The following SYT8 variants were observed in gnomAD, a reference collection of about 807,000 sequenced individuals.
The protein encoded by SYT8 is synaptotagmin-8.
SYT8 carries 50 observed loss-of-function variants against 34.9 expected under a neutral mutation model. The ratio of observed to expected loss-of-function variants is 1.43; its 90% CI spans 1.14 to 1.81. The LOEUF is 1.81. Among genes scored for constraint, SYT8 ranks in the 40% most tolerant of loss-of-function variants. The probability of loss-of-function intolerance (pLI) is 0.00; values close to 1 mark genes in which losing one functional copy is unlikely to be tolerated. For synonymous variants in SYT8, 255 were observed against 234.2 expected (o/e 1.09, Z -0.81); for missense variants, 595 against 529.0 (o/e 1.12, Z -1.22).
At position 1,836,811 on chromosome 11, in the gene SYT8, G is replaced by A. The variant is rs149838879; in HGVS notation, c.740G>A (p.Arg247Gln). The A allele has an allele frequency of 2.5e-3, 3,988 of 1,611,330 alleles. 12 individuals carry two copies. The highest frequency in any genetic ancestry group is 3.0e-3 in the Non-Finnish European group (3,521 of 1,179,970). The change falls in exon 6 of 8, where the codon CGG becomes CAG. Residue 247 changes from arginine to glutamine, a missense_variant. Coordinates refer to ENST00000341958, the MANE Select transcript of SYT8 (RefSeq NM_001394072.1). The stretch of plus-strand genomic sequence containing the variant: ...CTCCGGTACGTGCCCAGCTCAGGCC[G>A]GCTGACCGTGGTGGTGCTGGAGGCT... ...FSLRYVPSSG[R>Q]LTVVVLEARG...
Position 1,835,974 on chromosome 11 carries a change from G to A in SYT8, c.347G>A (p.Gly116Glu). The change falls in exon 3 of 8, where the codon GGA (glycine) becomes GAA (glutamate). Residue 116 changes from glycine (G) to glutamate (E), a missense_variant. Coordinates refer to ENST00000341958, the MANE Select transcript of SYT8 (RefSeq NM_001394072.1). ...CAGCTCTCCCTGGAGTTCGACTTTG[G>A]AAGCCAGGAGGTGAAGGGCCCCGCT... ...CLQLSLEFDFGSQEIRVGLRQ... is the reference protein window; with the variant it reads ...CLQLSLEFDFESQEIRVGLRQ... The A allele has an allele frequency of 1.2e-6, 2 of 1,605,360 alleles. No homozygotes were observed. The highest frequency in any genetic ancestry group is 1.7e-6 in the Non-Finnish European group (2 of 1,177,510).
upstream of SYT8, chr11:1,834,439 C>A: frequency 1.2e-6 from 1 of 829,626 alleles, no homozygotes; most frequent in Non-Finnish European, 2.0e-6. This position sits in a 1 kb window ranked among gnomAD's most constrained non-coding sequence, Gnocchi z 4.5. Flanking sequence ...GCGCTGCGGC[C>A]CTGAGCCCCT....
rs1053303555 is a variant in SYT8, at chr11:1,837,335, T to G, written c.1068T>G (p.Ile356Met). Residue 356 changes from isoleucine to methionine, a missense_variant, in exon 8 of 8, where the codon ATT becomes ATG. By Grantham distance (10) the Ile-to-Met change is conservative (BLOSUM62 1). Coordinates refer to ENST00000341958, the MANE Select transcript of SYT8 (RefSeq NM_001394072.1). The part of the protein sequence containing the change: ...ADMLAHARRP[I>M]AQRHPLRPAR... ...TGCTGGCCCACGCCCGGCGGCCCAT[T>G]GCCCAGCGGCACCCCCTGCGGCCAG... 8.8e-6 allele frequency: 14 copies of G among 1,592,934 alleles called. No individual in the cohort carries two copies. In the African/African-American group the frequency reaches 1.7e-4, roughly 20 times the overall value.
upstream of SYT8, among the ~76,000 whole-genome samples, chr11:1,833,324 C>T (rs928361599): frequency 2.0e-5 from 3 of 152,310 alleles, no homozygotes; most frequent in African/African-American, 4.8e-5. Context: ...AAGGGTCCCC[C>T]GAACTCGACA....
chr11:1,835,637 C>T, intron 2 of SYT8, 178 bp downstream of exon 2: 1 of 812,746 alleles, frequency 1.2e-6, no homozygotes. Flanking sequence ...GGCCATGCAA[C>T]AGGGGCTGCC....
At chr11:1,832,534 C>G (rs1846703953), upstream of SYT8, among the ~76,000 whole-genome samples, 1 of 152,166 alleles carries the variant, frequency 6.6e-6, no homozygotes, top group South Asian at 2.1e-4. Flanking sequence ...GGAGGGGAGA[C>G]CCGAGAGCCC....
At chr11:1,835,694 G>T (rs1489922582) in intron 2 of SYT8, 192 bp from the exon 3 acceptor site, 2 of 739,392 alleles carry the variant, frequency 2.7e-6, no homozygotes, top group Non-Finnish European at 4.5e-6. Flanking sequence ...AAGGCAGGGG[G>T]TACCCCAGAT....
chr11:1,833,330 C>T (rs143320183), upstream of SYT8, among the ~76,000 whole-genome samples: 5 of 152,334 alleles, frequency 3.3e-5, no homozygotes, highest in African/African-American at 1.2e-4. Flanking sequence ...CCCCCGAACT[C>T]GACAAGCTCC....
chr11:1,835,554 G>A, intron 2 of SYT8, 95 bp downstream of exon 2: 2 of 1,441,632 alleles, frequency 1.4e-6, no homozygotes, highest in South Asian at 1.2e-5. Flanking sequence ...CCCAGGGATG[G>A]TTTAACCCCC....
In SYT8 at chr11:1,835,906, C is replaced by A; in HGVS notation, c.279C>A (p.Gly93=). The change falls in exon 3 of 8, where the codon GGC becomes GGA. Residue 93 remains glycine (G), a synonymous_variant. Coordinates refer to ENST00000341958, the MANE Select transcript of SYT8 (RefSeq NM_001394072.1). The stretch of plus-strand genomic sequence containing the variant: ...TCCAGGTGCAACCTGATGTGGATGG[C>A]CTGGAGTCCAGCCCGGGGGATGCTC... ...TTHLVQPDVD[G]LESSPGDAQQ... 6.2e-7 allele frequency: 1 copy of A among 1,611,580 alleles called. No homozygotes were observed. The highest frequency in any genetic ancestry group is 8.5e-7 in the Non-Finnish European group (1 of 1,179,376).
At position 1,835,361 on chromosome 11, in the gene SYT8, T is replaced by G. The variant is rs372163157; in HGVS notation, c.160T>G (p.Cys54Gly). ...CGTCCTCCTCGTCTCCTGCCTCCTCTGTGCTGCCTGCTGCTGCTGCCGCCG... is the reference window on the plus strand; with the variant it reads ...CGTCCTCCTCGTCTCCTGCCTCCTCGGTGCTGCCTGCTGCTGCTGCCGCCG... ...AGVLLVSCLL[C>G]AACCCCRRHR... The change falls in exon 2 of 8, where the codon TGT (cysteine) becomes GGT (glycine). Residue 54 changes from cysteine to glycine, a missense_variant. Transcript: ENST00000341958. 6.2e-7 allele frequency: 1 copy of G among 1,606,454 alleles called. No homozygotes were observed. Among genetic ancestry groups the G allele is most frequent in the East Asian group, 2.2e-5 (1 of 44,836 alleles).
upstream of SYT8, chr11:1,834,777 C>A: frequency 2.7e-6 from 2 of 746,054 alleles, no homozygotes. The surrounding 1 kb of genome is among the most constrained non-coding windows in gnomAD (Gnocchi z 4.5). Context: ...ACAGTGGGGG[C>A]AAGGGTGCTC....
At position 1,836,114 on chromosome 11, in the gene SYT8, G is replaced by C. The variant is rs768678733; in HGVS notation, c.358-12G>C. 4.0e-6 allele frequency: 6 copies of C among 1,506,680 alleles called. No individual in the cohort carries two copies. In the East Asian group the frequency reaches 9.6e-5, roughly 24 times the overall value. 93.3% of individuals were successfully genotyped at this position (1,506,680 alleles called of 1,614,324 possible). A position where few individuals can be genotyped will look rare whatever the true frequency, so the allele number is the denominator to read the frequency against. On this transcript the variant is annotated splice_polypyrimidine_tract_variant and intron_variant, in intron 3 of 7. Coordinates refer to ENST00000341958, the MANE Select transcript of SYT8 (RefSeq NM_001394072.1). ...AGGGGCCCTTGGCTGAGCCCACCCC[G>C]CTGGCTCCCAGATCAGGGTGGGCCT...
At position 1,835,021 on chromosome 11, in the gene SYT8, G is replaced by A. The variant is rs1162828302; in HGVS notation, c.-85G>A. 1 of 1,396,368 alleles carries A rather than the reference G, an allele frequency of 7.2e-7. No homozygotes were observed. Among genetic ancestry groups the A allele is most frequent in the South Asian group, 1.2e-5 (1 of 83,576 alleles). The allele number at this position is 1,396,368 out of a possible 1,614,324, so 86.5% of individuals were successfully genotyped here. ...AGCACTGGCTGCTGCTAGTCAGATG[G>A]GGTAGCGGGCAGGGGCCGGAGGGGC... On this transcript the variant is annotated 5_prime_UTR_variant, in exon 1 of 8. Coordinates refer to ENST00000341958, the MANE Select transcript of SYT8 (RefSeq NM_001394072.1).
Position 1,836,698 on chromosome 11 carries a change from G to C in SYT8, c.685-58G>C. 5 of 1,596,330 alleles carry C rather than the reference G, an allele frequency of 3.1e-6. No homozygotes were observed. The South Asian group carries it at 5.5e-5, about 18-fold the overall frequency. On this transcript the variant is annotated intron_variant, in intron 5 of 7. Coordinates refer to ENST00000341958, the MANE Select transcript of SYT8 (RefSeq NM_001394072.1). ...TGATGGGCAGCATTTTCGGGGGTCT[G>C]AGCCCCAACTCGGCCAGAATCACCC...
chr11:1,834,431 G>T, upstream of SYT8: 1 of 761,752 alleles, frequency 1.3e-6, no homozygotes, highest in Non-Finnish European at 2.2e-6. The surrounding 1 kb of genome is among the most constrained non-coding windows in gnomAD (Gnocchi z 4.5). Flanking sequence ...ATCCTCAGGC[G>T]CTGCGGCCCT....
chr11:1,832,892 G>C (rs185326503), upstream of SYT8, among the ~76,000 whole-genome samples: 2 of 152,278 alleles, frequency 1.3e-5, no homozygotes, highest in African/African-American at 4.8e-5. Context: ...ACTAAAGGAG[G>C]GGGGACGCCA....
chr11:1,832,833 G>T (rs1846718230), upstream of SYT8, among the ~76,000 whole-genome samples: 1 of 152,122 alleles, frequency 6.6e-6, no homozygotes, highest in Admixed American at 6.5e-5. Flanking sequence ...GCCGGCCGCG[G>T]CAAATCACTG....
Position 1,837,067 on chromosome 11 carries a change from C to G in SYT8, c.901C>G (p.Leu301Val). 6.2e-7 allele frequency: 1 copy of G among 1,613,800 alleles called. No homozygotes were observed. The highest frequency in any genetic ancestry group is 8.5e-7 in the Non-Finnish European group (1 of 1,180,010). ...APYFNEAFTF[L>V]VPFSQVQNVD... ...CTACTTCAATGAGGCCTTCACCTTCCTGGTGCCCTTCAGCCAGGTCCAGGT... is the reference window on the plus strand; with the variant it reads ...CTACTTCAATGAGGCCTTCACCTTCGTGGTGCCCTTCAGCCAGGTCCAGGT... Residue 301 changes from leucine to valine, a missense_variant, in exon 7 of 8, where the codon CTG (leucine) becomes GTG (valine). Leu to Val is a conservative substitution (Grantham distance 32). Transcript: ENST00000341958.
Sources: gnomAD v4.1 joint callset for allele counts (sites outside exome capture counted in the v4.1 genomes callset) on GRCh38, gnomAD v4.1.1 for gene constraint, Gnocchi (gnomAD v3.1) non-coding constraint, MANE v1.5 for transcripts, NCBI Gene and HGNC (gene_info 2026-07-23, HGNC 2026-07-21) for gene names.